THADA: variants seen among roughly 807,000 people sequenced by gnomAD.
THADA encodes THADA armadillo repeat containing, also known as tRNA (32-2'-O)-methyltransferase regulator THADA.
Under a neutral mutation model 219.8 loss-of-function variants are expected in THADA, and 213 were observed. The observed-to-expected ratio is 0.97, with a 90% confidence interval of 0.87 to 1.09. The LOEUF (loss-of-function observed/expected upper bound fraction) is 1.09, where lower values mean the gene tolerates loss of function less well. THADA is among the 50% of genes least tolerant of loss of function. The pLI, the probability that THADA is intolerant of heterozygous loss-of-function variation, is 0.00. For synonymous variants in THADA, 1,018 were observed against 828.9 expected, an observed-to-expected ratio of 1.23 and a Z score of -3.92; for missense variants, 2,956 against 2,311.3, an observed-to-expected ratio of 1.28 and a Z score of -5.72.
intron 17 of THADA, 122 bp from the exon 18 acceptor site, chr2:43,552,461 A>T (rs1696862048): frequency 1.9e-6 from 2 of 1,070,940 alleles, no homozygotes; most frequent in East Asian, 5.3e-5. Flanking sequence ...AGAGTTTTTT[A>T]ATCAAAAAGA....
intron 31 of THADA, among the ~76,000 whole-genome samples, chr2:43,316,628 C>T (rs970077663): frequency 1.3e-5 from 2 of 152,088 alleles, no homozygotes; most frequent in African/African-American, 2.4e-5. Flanking sequence ...TAGCTTCCAG[C>T]GAATAATAAT....
chr2:43,509,348 C>CA (rs1359856023), intron 22 of THADA, among the ~76,000 whole-genome samples: 1 of 152,138 alleles, frequency 6.6e-6, no homozygotes, highest in Non-Finnish European at 1.5e-5. Context: ...TGAGCTTCTG[C>CA]ATTATTACAT....
chr2:43,483,466 G>A (rs904803484), intron 26 of THADA, among the ~76,000 whole-genome samples: 2 of 152,158 alleles, frequency 1.3e-5, no homozygotes, highest in African/African-American at 4.8e-5. Flanking sequence ...GGGAACAGAA[G>A]CCTTGTACAC....
At chr2:43,361,829 T>C (rs1200545935) in intron 29 of THADA, among the ~76,000 whole-genome samples, 1 of 152,244 alleles carries the variant, frequency 6.6e-6, no homozygotes, top group Non-Finnish European at 1.5e-5. Context: ...TCTGTATTTG[T>C]GATGTACATC....
intron 29 of THADA, among the ~76,000 whole-genome samples, chr2:43,363,621 T>C (rs968301297): frequency 1.3e-5 from 2 of 152,140 alleles, no homozygotes; most frequent in Non-Finnish European, 2.9e-5. Context: ...ATTTTTATTA[T>C]TGGAAAAACA....
At chr2:43,566,270 A>G (rs182299099) in intron 15 of THADA, 1 of 514,998 alleles carries the variant, frequency 1.9e-6, no homozygotes, top group Non-Finnish European at 3.4e-6. Context: ...AACCAGACTG[A>G]GGCACATGAA....
chr2:43,313,584 A>T (rs1423325290), intron 31 of THADA, among the ~76,000 whole-genome samples: 1 of 152,242 alleles, frequency 6.6e-6, no homozygotes, highest in Non-Finnish European at 1.5e-5. Flanking sequence ...GCCCGGGAGC[A>T]GTCAAGCGTG....
intron 21 of THADA, among the ~76,000 whole-genome samples, chr2:43,537,423 T>C (rs1438618143): frequency 6.6e-6 from 1 of 152,238 alleles, no homozygotes; most frequent in Non-Finnish European, 1.5e-5. Context: ...TGTGGTTACA[T>C]GCACAACTTC....
At chr2:43,588,897 T>C (rs145307539) in intron 4 of THADA, among the ~76,000 whole-genome samples, 1,713 of 152,260 alleles carry the variant, frequency 0.011, 37 homozygotes, top group African/African-American at 0.039. Flanking sequence ...TTAAATTACT[T>C]TATACCATGT....
intron 36 of THADA, among the ~76,000 whole-genome samples, chr2:43,258,115 T>C (rs558848364): frequency 1.3e-5 from 2 of 152,330 alleles, no homozygotes; most frequent in Admixed American, 1.3e-4. Context: ...CGGAGCAGGC[T>C]TGCAGGATTA....
intron 30 of THADA, among the ~76,000 whole-genome samples, chr2:43,331,444 T>G (rs1274424036): frequency 6.6e-6 from 1 of 152,240 alleles, no homozygotes; most frequent in East Asian, 1.9e-4. Context: ...GCATTTCATG[T>G]GCATATAGAC....
intron 26 of THADA, chr2:43,430,510 T>C: frequency 1.8e-6 from 1 of 541,230 alleles, no homozygotes; most frequent in Admixed American, 2.9e-5. Context: ...CATGAACTTT[T>C]ATCTCAAAAT....
At chr2:43,509,465 T>C (rs1690115055) in intron 22 of THADA, among the ~76,000 whole-genome samples, 1 of 152,210 alleles carries the variant, frequency 6.6e-6, no homozygotes, top group African/African-American at 2.4e-5. Flanking sequence ...AATTCAGTGG[T>C]AGGTAGACAC....
intron 26 of THADA, among the ~76,000 whole-genome samples, chr2:43,465,576 A>G (rs1684136397): frequency 6.6e-6 from 1 of 152,228 alleles, no homozygotes; most frequent in Non-Finnish European, 1.5e-5. Flanking sequence ...TCTTGAAAAG[A>G]GCAAGCCTGT....
chr2:43,331,848 TG>T (rs1188214202), intron 30 of THADA, among the ~76,000 whole-genome samples: 2 of 152,100 alleles, frequency 1.3e-5, no homozygotes, highest in East Asian at 3.9e-4. Flanking sequence ...TGTATTTCAC[TG>T]TCTAAATTTT....
At chr2:43,395,712 T>G (rs2104706652) in intron 29 of THADA, among the ~76,000 whole-genome samples, 1 of 152,286 alleles carries the variant, frequency 6.6e-6, no homozygotes, top group South Asian at 2.1e-4. Context: ...ACTAATGCAA[T>G]ATGTGCTTGG....
chr2:43,508,146 G>A (rs1205117795), intron 23 of THADA, among the ~76,000 whole-genome samples: 2 of 152,162 alleles, frequency 1.3e-5, no homozygotes, highest in African/African-American at 4.8e-5. Flanking sequence ...GTACAGGGAA[G>A]GAGTTAATGA....
At chr2:43,480,898 T>C (rs1448733869) in intron 26 of THADA, among the ~76,000 whole-genome samples, 2 of 151,816 alleles carry the variant, frequency 1.3e-5, no homozygotes, top group Admixed American at 6.6e-5. Context: ...TTTGGCCAAA[T>C]AGGGCTTGCT....
chr2:43,470,622 C>G (rs951779211), intron 26 of THADA, among the ~76,000 whole-genome samples: 1 of 152,066 alleles, frequency 6.6e-6, no homozygotes, highest in African/African-American at 2.4e-5. Flanking sequence ...GAGAAAATGA[C>G]AGGAAAATGC....
Sources: allele counts gnomAD v4.1 joint callset (sites outside exome capture counted in the v4.1 genomes callset), GRCh38; gene constraint gnomAD v4.1.1; transcripts MANE v1.5; gene names NCBI Gene and HGNC (gene_info 2026-07-23, HGNC 2026-07-21).